LRRC4C: variants seen among roughly 807,000 people sequenced by gnomAD.
The protein encoded by LRRC4C is leucine-rich repeat-containing protein 4C.
In LRRC4C, 5 loss-of-function variants were observed where a neutral mutation model predicts 33.6. The ratio of observed to expected loss-of-function variants is 0.15; its 90% CI spans 0.08 to 0.31. The LOEUF (loss-of-function observed/expected upper bound fraction) is 0.31. Among genes scored for constraint, LRRC4C ranks in the 10% least tolerant of loss-of-function variants. LRRC4C has a pLI of 1.00. For missense variants in LRRC4C, 560 were observed against 796.7 expected (o/e 0.70, Z 3.58); for synonymous variants, 329 against 302.0 (o/e 1.09, Z -0.93).
At chr11:41,249,482 G>T (rs1482696860) in intron 1 of LRRC4C, among the ~76,000 whole-genome samples, 1 of 152,066 alleles carries the variant, frequency 6.6e-6, no homozygotes, top group African/African-American at 2.4e-5. Context: ...AAACTCACCT[G>T]TGCCCTCCTA....
rs138717868 is a variant in LRRC4C, at chr11:40,114,924, C to T, written c.1369G>A (p.Val457Ile). The T allele has an allele frequency of 7.4e-5, 120 of 1,614,022 alleles. No homozygotes were observed. The highest frequency in any genetic ancestry group is 1.6e-4 in the Middle Eastern group (1 of 6,082). ...GACGGTTCCATAGTCTCTACTGTGA[C>T]GGTTGAAAAGTAAGAGAAAGGAGTA... Reference protein sequence around the residue: ...TTTPFSYFSTVTVETMEPSQD... With the variant: ...TTTPFSYFSTITVETMEPSQD... The change falls in exon 7 of 7, where the codon GTC becomes ATC. Residue 457 changes from valine to isoleucine, a missense_variant. This residue lies in a region of LRRC4C where 455 missense variants were observed against 643.8 expected (regional missense o/e 0.71). Transcript: ENST00000528697.
At chr11:41,381,409 C>T (rs536533211) in intron 1 of LRRC4C, among the ~76,000 whole-genome samples, 14 of 151,984 alleles carry the variant, frequency 9.2e-5, no homozygotes, top group South Asian at 2.1e-4. Flanking sequence ...GGGCAGATCA[C>T]GAGGTCAGGA....
At chr11:41,244,755 T>C (rs1056836664) in intron 1 of LRRC4C, among the ~76,000 whole-genome samples, 9 of 152,316 alleles carry the variant, frequency 5.9e-5, no homozygotes, top group African/African-American at 2.2e-4. Context: ...AAATTTTGAT[T>C]GAAGATGAAA....
chr11:40,872,953 G>C (rs1421409044), intron 2 of LRRC4C, among the ~76,000 whole-genome samples: 1 of 152,018 alleles, frequency 6.6e-6, no homozygotes, highest in Non-Finnish European at 1.5e-5. Flanking sequence ...TTTATCATCA[G>C]GTCTTTTTAT....
chr11:40,926,226 G>A (rs1957402174), intron 2 of LRRC4C, among the ~76,000 whole-genome samples: 1 of 152,122 alleles, frequency 6.6e-6, no homozygotes, highest in African/African-American at 2.4e-5. Context: ...ATGCCTACTA[G>A]GGAGGCTGCG....
intron 2 of LRRC4C, among the ~76,000 whole-genome samples, chr11:40,752,423 C>G (rs1948737473): frequency 6.6e-6 from 1 of 151,794 alleles, no homozygotes; most frequent in Non-Finnish European, 1.5e-5. Context: ...AATCATCACA[C>G]TAAAAAGTGG....
At chr11:40,955,864 A>C (rs1958929951) in intron 1 of LRRC4C, among the ~76,000 whole-genome samples, 1 of 151,748 alleles carries the variant, frequency 6.6e-6, no homozygotes, top group African/African-American at 2.4e-5. Flanking sequence ...ACCATAGAAA[A>C]ACTCATACAT....
chr11:40,412,856 AAGACT>A (rs1950201427), intron 3 of LRRC4C, among the ~76,000 whole-genome samples: 1 of 152,134 alleles, frequency 6.6e-6, no homozygotes, highest in Non-Finnish European at 1.5e-5. Flanking sequence ...GGTTGTTGTG[AAGACT>A]AGACTATATA....
At chr11:41,008,657 C>T (rs1229045160) in intron 1 of LRRC4C, among the ~76,000 whole-genome samples, 2 of 152,056 alleles carry the variant, frequency 1.3e-5, no homozygotes, top group Admixed American at 6.6e-5. Flanking sequence ...TATTATCATC[C>T]TTTCCTTCCT....
chr11:40,440,147 G>C (rs11035841), intron 3 of LRRC4C, among the ~76,000 whole-genome samples: 55,248 of 151,970 alleles, frequency 0.36, 10,700 homozygotes, highest in East Asian at 0.53. Flanking sequence ...ATGAGGGCAG[G>C]GAGCTTGTCT....
chr11:40,910,366 G>T (rs957948903), intron 2 of LRRC4C, among the ~76,000 whole-genome samples: 3 of 152,012 alleles, frequency 2.0e-5, no homozygotes, highest in African/African-American at 4.8e-5. Flanking sequence ...ACACATAGAT[G>T]AAAAAAACCC....
At chr11:41,125,238 T>C (rs148832392) in intron 1 of LRRC4C, among the ~76,000 whole-genome samples, 2,413 of 151,818 alleles carry the variant, frequency 0.016, 30 homozygotes, top group African/African-American at 0.03. Context: ...TGATTATCTC[T>C]ATAAAATTAT....
In LRRC4C at chr11:40,668,287, T is replaced by A. The variant is rs35844079; in HGVS notation, c.-406-20009A>T. On this transcript the variant is annotated intron_variant, in intron 2 of 6. Transcript: ENST00000528697. ...ATTTGCTGTAGTTTCCGAGACTAAT[T>A]TTTAAAACATGGAAAGAGTTATGTT... Among the ~76,000 whole-genome samples the A allele has an allele frequency of 3.5e-3, 538 of 152,312 alleles. 5 individuals carry two copies. The highest frequency in any genetic ancestry group is 0.013 in the African/African-American group (520 of 41,564).
At chr11:40,726,347 G>A (rs1314267345) in intron 2 of LRRC4C, among the ~76,000 whole-genome samples, 2 of 152,006 alleles carry the variant, frequency 1.3e-5, no homozygotes, top group Non-Finnish European at 2.9e-5. Context: ...AAGACATAAG[G>A]AAAACAGAAA....
chr11:41,269,520 A>C (rs890281380), intron 1 of LRRC4C, among the ~76,000 whole-genome samples: 24 of 152,064 alleles, frequency 1.6e-4, no homozygotes, highest in African/African-American at 5.3e-4. Context: ...TTAATGACTG[A>C]GCTCAAGTCA....
intron 1 of LRRC4C, among the ~76,000 whole-genome samples, chr11:41,280,346 G>A (rs1416374345): frequency 7.0e-6 from 1 of 143,156 alleles, no homozygotes; most frequent in Non-Finnish European, 1.5e-5. Context: ...GATGGGTCAA[G>A]TAGTCCAAAC....
At chr11:40,317,445 C>T (rs185253506) in intron 4 of LRRC4C, among the ~76,000 whole-genome samples, 16 of 152,196 alleles carry the variant, frequency 1.1e-4, no homozygotes, top group South Asian at 2.1e-4. Context: ...GAAGGATGCT[C>T]TAGCTTGAAA....
At chr11:40,635,628 A>ATTTTTTTTT (rs71060975) in intron 3 of LRRC4C, among the ~76,000 whole-genome samples, 8 of 92,198 alleles carry the variant, frequency 8.7e-5, no homozygotes, top group African/African-American at 2.4e-4. Flanking sequence ...AAAGAACCAA[A>ATTTTTTTTT]TTTTTTTTTT....
chr11:41,209,785 G>T (rs1483268941), intron 1 of LRRC4C, among the ~76,000 whole-genome samples: 2 of 152,268 alleles, frequency 1.3e-5, no homozygotes, highest in African/African-American at 2.4e-5. Context: ...ACGACAGAAG[G>T]TAAAATGTTT....
Sources: allele counts gnomAD v4.1 joint callset (sites outside exome capture counted in the v4.1 genomes callset), GRCh38; gene constraint gnomAD v4.1.1; regional missense constraint gnomAD v4.1.1; transcripts MANE v1.5; gene names NCBI Gene and HGNC (gene_info 2026-07-23, HGNC 2026-07-21).